Variants in R3HDML observed in about 807,000 individuals in gnomAD.
The protein encoded by R3HDML is R3H domain containing like, also known as peptidase inhibitor R3HDML.
Under a neutral mutation model 24.2 loss-of-function variants are expected in R3HDML, and 21 were observed. The ratio of observed to expected loss-of-function variants is 0.87; its 90% CI spans 0.62 to 1.25. R3HDML has a LOEUF of 1.25. R3HDML is among the 50% of genes most tolerant of loss of function. The probability of loss-of-function intolerance (pLI) is 0.00; values close to 1 mark genes in which losing one functional copy is unlikely to be tolerated. For synonymous variants in R3HDML, 133 were observed against 131.5 expected, an observed-to-expected ratio of 1.01 and a Z score of -0.08; for missense variants, 301 against 340.3, an observed-to-expected ratio of 0.88 and a Z score of 0.91.
chr20:44,350,698 A>G lies in R3HDML; in HGVS notation c.668A>G (p.Lys223Arg). ...WIGESPYKMG[K>R]PCSSCPPSYQ... is the part of the protein sequence containing the mutation. Reference sequence around the variant, plus strand: ...GGCGAGTCCCCGTACAAGATGGGAAAGCCGTGCTCCTCCTGTCCCCCCAGT... The same window carrying G: ...GGCGAGTCCCCGTACAAGATGGGAAGGCCGTGCTCCTCCTGTCCCCCCAGT... Residue 223 changes from lysine to arginine, a missense_variant, in exon 5 of 5, where the codon AAG becomes AGG. Transcript: ENST00000217043. The G allele has an allele frequency of 6.2e-7, 1 of 1,613,936 alleles. No homozygotes were observed. Among genetic ancestry groups the G allele is most frequent in the East Asian group, 2.2e-5 (1 of 44,848 alleles).
chr20:44,348,469 TCCTTTTC>T (rs1283712585), intron 4 of R3HDML, among the ~76,000 whole-genome samples: 1 of 125,442 alleles, frequency 8.0e-6, no homozygotes, highest in African/African-American at 2.9e-5. Context: ...TTCCCCTTTC[TCCTTTTC>T]CCTTTCTCCT....
intron 1 of R3HDML, among the ~76,000 whole-genome samples, chr20:44,340,175 G>A (rs371398530): frequency 2.6e-5 from 4 of 151,746 alleles, no homozygotes; most frequent in Non-Finnish European, 5.9e-5. Flanking sequence ...GGTTAGTCTC[G>A]ACCTCCTGAC....
chr20:44,339,579 ATGTGTGTGTGTGTG>A (rs140076477), intron 1 of R3HDML, among the ~76,000 whole-genome samples: 2 of 147,914 alleles, frequency 1.4e-5, no homozygotes, highest in Non-Finnish European at 3.0e-5. Flanking sequence ...GCCTATATAT[ATGTGTGTGTGTGTG>A]TGTGTGTGTG....
chr20:44,346,006 G>C (rs2146112522), intron 4 of R3HDML, among the ~76,000 whole-genome samples: 1 of 152,194 alleles, frequency 6.6e-6, no homozygotes, highest in South Asian at 2.1e-4. Flanking sequence ...TTTTACTAGA[G>C]ACAAGGTTTC....
chr20:44,340,108 C>T (rs2062768190), intron 1 of R3HDML, among the ~76,000 whole-genome samples: 1 of 151,952 alleles, frequency 6.6e-6, no homozygotes, highest in Admixed American at 6.6e-5. Context: ...GTGCCCGCCA[C>T]CACACCCGGC....
Position 44,346,200 on chromosome 20 carries a change from A to G in R3HDML, c.629+822A>G, listed in dbSNP as rs2062786568. Among the ~76,000 whole-genome samples, 3 of 152,082 alleles carry G rather than the reference A, an allele frequency of 2.0e-5. No homozygotes were observed. The South Asian group carries it at 6.2e-4, about 32-fold the overall frequency. On this transcript the variant is annotated intron_variant, in intron 4 of 4. Transcript: ENST00000217043. ...CAGTGGCACAATCACAGCTCACTAC[A>G]GCCTCGACTGGCTGGGCTCAAGTAA...
chr20:44,346,392 G>A (rs1397044883), intron 4 of R3HDML, among the ~76,000 whole-genome samples: 1 of 152,216 alleles, frequency 6.6e-6, no homozygotes, highest in East Asian at 1.9e-4. Flanking sequence ...GGGATTACAG[G>A]CGTGAGCCAC....
At chr20:44,346,777 C>G in intron 4 of R3HDML, among the ~76,000 whole-genome samples, 1 of 152,186 alleles carries the variant, frequency 6.6e-6, no homozygotes, top group East Asian at 1.9e-4. Flanking sequence ...TTAGGAGATG[C>G]CTGCATACAA....
chr20:44,340,321 C>T (rs1239184628), intron 1 of R3HDML, among the ~76,000 whole-genome samples: 1 of 151,762 alleles, frequency 6.6e-6, no homozygotes, highest in Non-Finnish European at 1.5e-5. Context: ...GAACTCCTGA[C>T]CTCAAGTGAT....
chr20:44,341,422 G>A, intron 2 of R3HDML, 108 bp downstream of exon 2: 1 of 873,830 alleles, frequency 1.1e-6, no homozygotes. Flanking sequence ...TGGCGAGCAA[G>A]GCAGACAAGC....
chr20:44,343,642 T>A (rs1600600418), intron 3 of R3HDML, 133 bp downstream of exon 3: 1 of 938,522 alleles, frequency 1.1e-6, no homozygotes, highest in Non-Finnish European at 1.5e-6. Context: ...AGAGGCATAT[T>A]CCTGGAAAGT....
chr20:44,343,338 C>T, intron 2 of R3HDML, 39 bp from the exon 3 acceptor site: 2 of 1,600,672 alleles, frequency 1.2e-6, no homozygotes, highest in Non-Finnish European at 1.7e-6. Flanking sequence ...ACTTTTCCAT[C>T]CTCTCACCCA....
At chr20:44,343,764 C>T (rs985480224) in intron 3 of R3HDML, among the ~76,000 whole-genome samples, 1 of 149,982 alleles carries the variant, frequency 6.7e-6, no homozygotes, top group African/African-American at 2.5e-5. Flanking sequence ...GGTGAGATCT[C>T]GGCTCACTGT....
At chr20:44,346,100 G>A (rs1472456549) in intron 4 of R3HDML, among the ~76,000 whole-genome samples, 1 of 152,128 alleles carries the variant, frequency 6.6e-6, no homozygotes, top group Non-Finnish European at 1.5e-5. Context: ...GATTACAGGA[G>A]TGAGCCACTG....
At chr20:44,346,755 G>C (rs2062788083) in intron 4 of R3HDML, among the ~76,000 whole-genome samples, 1 of 152,218 alleles carries the variant, frequency 6.6e-6, no homozygotes, top group South Asian at 2.1e-4. Context: ...CCAGTTTGCT[G>C]GGTGGGAGAG....
rs374863783 is a variant in R3HDML, at chr20:44,341,365, T to C, written c.380+51T>C. ...ACTCAGTCATTCAACAAATACTCAT[T>C]GAACACTTACTCTGTACCAGGTGCT... On this transcript the variant is annotated intron_variant, in intron 2 of 4. Coordinates refer to ENST00000217043, the MANE Select transcript of R3HDML (RefSeq NM_178491.4). 84 of 1,414,400 alleles carry C rather than the reference T, an allele frequency of 5.9e-5. No homozygotes were observed. The African/African-American group carries it at 1.1e-3, about 18-fold the overall frequency. The allele number at this position is 1,414,400 out of a possible 1,614,324, so 87.6% of individuals were successfully genotyped here. A position where few individuals can be genotyped will look rare whatever the true frequency, so the allele number is the denominator to read the frequency against.
chr20:44,347,235 G>C (rs200424039), intron 4 of R3HDML, among the ~76,000 whole-genome samples: 1 of 145,684 alleles, frequency 6.9e-6, no homozygotes, highest in Non-Finnish European at 1.5e-5. Context: ...TTTTTTTGGG[G>C]GGGGACGAGG....
chr20:44,345,828 T>A (rs1044204284), intron 4 of R3HDML, among the ~76,000 whole-genome samples: 1 of 150,998 alleles, frequency 6.6e-6, no homozygotes, highest in African/African-American at 2.4e-5. Context: ...TTTCTTTCTT[T>A]CTTTTTTTTG....
In R3HDML at chr20:44,337,441, C is replaced by G. The variant is rs753431823; in HGVS notation, c.261+23C>G. The G allele has an allele frequency of 6.2e-6, 10 of 1,601,018 alleles. No individual in the cohort carries two copies. In the Admixed American group the frequency reaches 1.3e-4, roughly 21 times the overall value. ...ATGGTGAGTCCCCGTACCTGCCCCC[C>G]ACCCCCCGCAGTGTCCCTTCCGGCA... On this transcript the variant is annotated intron_variant, in intron 1 of 4. Coordinates refer to ENST00000217043, the MANE Select transcript of R3HDML (RefSeq NM_178491.4). The surrounding 1 kb of genome is among the most constrained non-coding windows in gnomAD (Gnocchi z 4.7).
Sources: allele counts gnomAD v4.1 joint callset (sites outside exome capture counted in the v4.1 genomes callset), GRCh38; gene constraint gnomAD v4.1.1; non-coding constraint Gnocchi (gnomAD v3.1); transcripts MANE v1.5; gene names NCBI Gene and HGNC (gene_info 2026-07-23, HGNC 2026-07-21).